GLI2: variants seen among roughly 807,000 people sequenced by gnomAD.
The protein encoded by GLI2 is GLI family zinc finger 2.
Under a neutral mutation model 78.9 loss-of-function variants are expected in GLI2, and 22 were observed. That is an observed-to-expected ratio of 0.28 (90% CI 0.20 to 0.40). The LOEUF (loss-of-function observed/expected upper bound fraction) is 0.40. Ranked by LOEUF, GLI2 falls within the 10% of genes least tolerant of loss-of-function variation. The pLI, the probability that GLI2 is intolerant of heterozygous loss-of-function variation, is 1.00. For synonymous variants in GLI2, 974 were observed against 963.7 expected (o/e 1.01, Z -0.20); for missense variants, 2,097 against 2,213.2 (o/e 0.95, Z 1.05).
At chr2:120,903,069 C>T (rs527867219) in intron 2 of GLI2, among the ~76,000 whole-genome samples, 1 of 151,152 alleles carries the variant, frequency 6.6e-6, no homozygotes, top group Non-Finnish European at 1.5e-5. Context: ...GGCCAGACAA[C>T]ATGGGGGAAT....
chr2:120,897,448 C>G (rs912390330), intron 2 of GLI2, among the ~76,000 whole-genome samples: 9 of 152,150 alleles, frequency 5.9e-5, no homozygotes, highest in African/African-American at 1.9e-4. Context: ...TACAATGGCT[C>G]GACTTTACTG....
chr2:120,889,548 A>C (rs1160845586), intron 2 of GLI2, among the ~76,000 whole-genome samples: 2 of 152,258 alleles, frequency 1.3e-5, no homozygotes, highest in Admixed American at 6.5e-5. Context: ...GTGAAGAGAC[A>C]GGCTGCAGAA....
chr2:120,876,446 C>G (rs1481870015), intron 2 of GLI2, among the ~76,000 whole-genome samples: 1 of 152,144 alleles, frequency 6.6e-6, no homozygotes, highest in East Asian at 1.9e-4. Context: ...CTCAGCTGCT[C>G]CAGCAGCCAC....
chr2:120,738,638 C>A (rs1231062423), intron 1 of GLI2, among the ~76,000 whole-genome samples: 1 of 152,134 alleles, frequency 6.6e-6, no homozygotes. Context: ...GTGGTCAGAA[C>A]GGTCTATTTG....
chr2:120,939,189 G>C (rs1273931889), intron 3 of GLI2, among the ~76,000 whole-genome samples: 1 of 152,090 alleles, frequency 6.6e-6, no homozygotes, highest in Non-Finnish European at 1.5e-5. Flanking sequence ...GGCTGAGGCA[G>C]AAGAATCACT....
intron 2 of GLI2, among the ~76,000 whole-genome samples, chr2:120,902,393 G>T (rs903332200): frequency 2.6e-5 from 4 of 152,146 alleles, no homozygotes; most frequent in Non-Finnish European, 5.9e-5. Flanking sequence ...GCCAAGGGCT[G>T]TATCTTTGCA....
intron 1 of GLI2, among the ~76,000 whole-genome samples, chr2:120,776,606 G>C (rs1484075656): frequency 1.3e-5 from 2 of 152,128 alleles, no homozygotes; most frequent in African/African-American, 4.8e-5. Flanking sequence ...GGTCATCCCA[G>C]TAAGAGGGTG....
At chr2:120,845,837 A>G (rs1455953652) in intron 2 of GLI2, among the ~76,000 whole-genome samples, 1 of 152,174 alleles carries the variant, frequency 6.6e-6, no homozygotes, top group Non-Finnish European at 1.5e-5. Context: ...TTATGTAGAT[A>G]TTGTTGCTGA....
Position 120,868,931 on chromosome 2 carries a change from G to A in GLI2, c.149-58430G>A, listed in dbSNP as rs139537020. Among the ~76,000 whole-genome samples, 84 of 152,330 alleles carry A rather than the reference G, an allele frequency of 5.5e-4. No individual in the cohort carries two copies. The East Asian group carries it at 0.016, about 28-fold the overall frequency. The stretch of plus-strand genomic sequence containing the variant: ...ACCTTGCAGGAAGCAAGGTGCAGGG[G>A]CGGGCACATCGTATTGGAGGTCATG... On this transcript the variant is annotated intron_variant, in intron 2 of 13. Coordinates refer to ENST00000361492, the MANE Select transcript of GLI2 (RefSeq NM_001374353.1).
chr2:120,951,221 C>T (rs374679473), intron 3 of GLI2, 22 bp from the exon 4 acceptor site: 108 of 1,431,320 alleles, frequency 7.5e-5, no homozygotes, highest in African/African-American at 2.0e-4. Context: ...CCTTCTTAGA[C>T]GGCTGCCCAT....
rs1327193090 is a variant in GLI2 at position 120,826,570 on chromosome 2, G to T, written c.148+29102G>T. Among the ~76,000 whole-genome samples the T allele has an allele frequency of 2.0e-5, 3 of 152,156 alleles. No homozygotes were observed. In the East Asian group the frequency reaches 5.8e-4, roughly 29 times the overall value. On this transcript the variant is annotated intron_variant, in intron 2 of 13. Transcript: ENST00000361492. ...GGCAGAGGTGCTTTGGAGTGGTGGA[G>T]ATTTTTATCTCATGTATGGTCTTTC...
At chr2:120,955,012 AGGTCGG>A (rs1249959644) in intron 4 of GLI2, among the ~76,000 whole-genome samples, 1 of 152,122 alleles carries the variant, frequency 6.6e-6, no homozygotes, top group Non-Finnish European at 1.5e-5. Flanking sequence ...TGGAGTACAG[AGGTCGG>A]GGTCTGGCCT....
intron 1 of GLI2, among the ~76,000 whole-genome samples, chr2:120,789,831 C>T (rs114099267): frequency 0.055 from 8,344 of 152,298 alleles, 364 homozygotes; most frequent in Admixed American, 0.11. Context: ...TGTGTGACTT[C>T]GGGGAGCTTA....
At chr2:120,964,593 G>A (rs1052303397) in intron 5 of GLI2, among the ~76,000 whole-genome samples, 6 of 152,200 alleles carry the variant, frequency 3.9e-5, no homozygotes, top group Non-Finnish European at 7.3e-5. Flanking sequence ...AGGGAAGGCC[G>A]ACTCCCGGGT....
At chr2:120,980,826 G>T (rs1223921912) in intron 10 of GLI2, among the ~76,000 whole-genome samples, 2 of 151,762 alleles carry the variant, frequency 1.3e-5, no homozygotes, top group Non-Finnish European at 2.9e-5. Context: ...ATATATGTGT[G>T]TATAGAGAGT....
chr2:120,789,032 T>TG (rs1684074109), intron 1 of GLI2, among the ~76,000 whole-genome samples: 3 of 133,984 alleles, frequency 2.2e-5, no homozygotes, highest in Non-Finnish European at 4.6e-5. Context: ...TTTCTTTCTT[T>TG]CTTTTTTTTT....
At chr2:120,921,437 G>A (rs1679375501) in intron 2 of GLI2, among the ~76,000 whole-genome samples, 2 of 152,150 alleles carry the variant, frequency 1.3e-5, no homozygotes, top group South Asian at 4.1e-4. Flanking sequence ...GGCCTGCTCA[G>A]GAGGTCCCTC....
chr2:120,951,211 C>T (rs151057041), intron 3 of GLI2, 32 bp from the exon 4 acceptor site: 13 of 1,316,216 alleles, frequency 9.9e-6, no homozygotes, highest in Admixed American at 1.7e-5. Flanking sequence ...TCTGTGTCCT[C>T]CTTCTTAGAC....
chr2:120,850,974 A>G (rs1301199980), intron 2 of GLI2, among the ~76,000 whole-genome samples: 2 of 152,194 alleles, frequency 1.3e-5, no homozygotes, highest in Non-Finnish European at 2.9e-5. Flanking sequence ...ATTTTTTCAA[A>G]GTTAAAAGTG....
Sources: allele counts gnomAD v4.1 joint callset (sites outside exome capture counted in the v4.1 genomes callset), GRCh38; gene constraint gnomAD v4.1.1; transcripts MANE v1.5; gene names NCBI Gene and HGNC (gene_info 2026-07-23, HGNC 2026-07-21).